INO80: variants seen among roughly 807,000 people sequenced by gnomAD.
INO80 encodes the protein INO80 complex ATPase subunit, also known as chromatin-remodeling ATPase INO80.
Under a neutral mutation model 203.4 loss-of-function variants are expected in INO80, and 20 were observed. That is an observed-to-expected ratio of 0.10 (90% CI 0.07 to 0.14). The LOEUF (loss-of-function observed/expected upper bound fraction) is 0.14, where lower values mean the gene tolerates loss of function less well. Ranked by LOEUF, INO80 falls within the 10% of genes least tolerant of loss-of-function variation. The pLI is 1.00. For synonymous variants in INO80, 726 were observed against 685.2 expected (o/e 1.06, Z -0.93); for missense variants, 1,419 against 1,914.4 (o/e 0.74, Z 4.83).
rs369225478 is a variant in INO80 at position 40,992,137 on chromosome 15, G to A, written c.3571-4163C>T. On this transcript the variant is annotated intron_variant, in intron 29 of 35. Transcript: ENST00000648947. Reference sequence around the variant, plus strand: ...GTTGGACCAACACTTGGAGGGTGGAGCTTTTTCTCCCAAGAGAATAAGCGG... The same window carrying A: ...GTTGGACCAACACTTGGAGGGTGGAACTTTTTCTCCCAAGAGAATAAGCGG... Among the ~76,000 whole-genome samples the A allele has an allele frequency of 1.1e-4, 17 of 152,364 alleles. No individual in the cohort carries two copies. In the South Asian group the frequency reaches 1.7e-3, roughly 15 times the overall value.
chr15:41,096,259 T>C lies in INO80; in HGVS notation c.52A>G (p.Lys18Glu). 6.2e-7 allele frequency: 1 copy of C among 1,612,152 alleles called. No individual in the cohort carries two copies. The highest frequency in any genetic ancestry group is 8.5e-7 in the Non-Finnish European group (1 of 1,179,590). ...RDDGGCTELAKPLYLQYLERA... is the reference protein window; with the variant it reads ...RDDGGCTELAEPLYLQYLERA... ...TCCAAGTACTGAAGATAGAGGGGCT[T>C]TGCCAGCTCAGTGCAGCCTCCATCA... Residue 18 changes from lysine to glutamate, a missense_variant, in exon 2 of 36, where the codon AAG becomes GAG. Physicochemically the swap from Lys to Glu is moderately conservative, Grantham distance 56 (BLOSUM62 1). Coordinates refer to ENST00000648947, the MANE Select transcript of INO80 (RefSeq NM_017553.3).
At chr15:41,042,555 C>T (rs1473055341) in intron 24 of INO80, among the ~76,000 whole-genome samples, 1 of 152,076 alleles carries the variant, frequency 6.6e-6, no homozygotes, top group Non-Finnish European at 1.5e-5. Flanking sequence ...CTCACTGTAA[C>T]CTCAGCCTCC....
chr15:41,072,820 G>A lies in INO80; in HGVS notation c.1395+608C>T, dbSNP rs566871950. On this transcript the variant is annotated intron_variant, in intron 11 of 35. Transcript: ENST00000648947. ...TTTTGAGATGCAGTCTCAATCTGTC[G>A]CCCAGGCTGGAGTGCAGTGGCACAA... Among the ~76,000 whole-genome samples the A allele has an allele frequency of 3.3e-5, 5 of 149,564 alleles. No homozygotes were observed. The East Asian group carries it at 5.9e-4, about 18-fold the overall frequency.
At position 41,055,267 on chromosome 15, in the gene INO80, T is replaced by C. The variant is rs1315097299; in HGVS notation, c.2168A>G (p.Asn723Ser). The change falls in exon 18 of 36, where the codon AAC becomes AGC. Residue 723 changes from asparagine (N) to serine (S), a missense_variant. This residue lies in a region of INO80 where 192 missense variants were observed against 406.7 expected (regional missense o/e 0.47). Coordinates refer to ENST00000648947, the MANE Select transcript of INO80 (RefSeq NM_017553.3). ...CTCACTCTCATCAATAGCAGATTTG[T>C]TTTCGGCATGGCTCTCAATGTCCTT... ...FSKDIESHAE[N>S]KSAIDENQLS... 6.2e-7 allele frequency: 1 copy of C among 1,611,072 alleles called. No homozygotes were observed. Among genetic ancestry groups the C allele is most frequent in the East Asian group, 2.2e-5 (1 of 44,814 alleles).
chr15:41,090,313 C>CG (rs1201077217), intron 5 of INO80, among the ~76,000 whole-genome samples: 1 of 152,176 alleles, frequency 6.6e-6, no homozygotes, highest in Non-Finnish European at 1.5e-5. Flanking sequence ...TGGTGGCTCA[C>CG]GCCTGTAATC....
rs557135828 is a variant in INO80, at chr15:40,980,142, C to A, written c.*81G>T. The stretch of plus-strand genomic sequence containing the variant: ...CTGACTCAGGATGCAAGATGCTGCA[C>A]GGGGCAAGCCATCCAAAGACCACTG... On this transcript the variant is annotated 3_prime_UTR_variant, in exon 36 of 36. Transcript: ENST00000648947. 2.6e-6 allele frequency: 3 copies of A among 1,140,062 alleles called. No individual in the cohort carries two copies. Among genetic ancestry groups the A allele is most frequent in the Non-Finnish European group, 4.0e-6 (3 of 755,400 alleles). 70.6% of individuals were successfully genotyped at this position (1,140,062 alleles called of 1,614,324 possible).
At chr15:41,045,106 C>T in intron 23 of INO80, 31 bp from the exon 24 acceptor site, 1 of 1,564,902 alleles carries the variant, frequency 6.4e-7, no homozygotes, top group Non-Finnish European at 8.6e-7. Flanking sequence ...CACGCTTATT[C>T]AGTGCTCCAT....
At position 41,073,504 on chromosome 15, in the gene INO80, C is replaced by T. The variant is rs767610450; in HGVS notation, c.1328-9G>A. The T allele has an allele frequency of 4.4e-6, 7 of 1,608,938 alleles. No homozygotes were observed. The African/African-American group carries it at 9.4e-5, about 22-fold the overall frequency. ...TTTAAAATGGTTACTATCTGAAAAG[C>T]AAAATTTATGGATTATCACACTTTA... On this transcript the variant is annotated splice_polypyrimidine_tract_variant and intron_variant, in intron 10 of 35. Transcript: ENST00000648947.
At chr15:41,006,565 T>C (rs2044043013) in intron 27 of INO80, among the ~76,000 whole-genome samples, 1 of 152,258 alleles carries the variant, frequency 6.6e-6, no homozygotes, top group South Asian at 2.1e-4. Context: ...TCAAATGTTC[T>C]TATACTGCAA....
At chr15:41,066,689 G>A (rs2045223100) in intron 14 of INO80, among the ~76,000 whole-genome samples, 1 of 151,878 alleles carries the variant, frequency 6.6e-6, no homozygotes, top group Non-Finnish European at 1.5e-5. Flanking sequence ...AATTAGCAGG[G>A]TGTGGCGCTG....
intron 28 of INO80, among the ~76,000 whole-genome samples, chr15:40,999,922 A>G (rs892342916): frequency 2.0e-5 from 3 of 152,166 alleles, no homozygotes; most frequent in Non-Finnish European, 4.4e-5. Context: ...AAGACCCTGC[A>G]TCTACATAAA....
chr15:41,098,926 C>T (rs980444088), intron 1 of INO80, among the ~76,000 whole-genome samples: 2 of 151,682 alleles, frequency 1.3e-5, no homozygotes, highest in Non-Finnish European at 2.9e-5. Flanking sequence ...ATTAAAGCAC[C>T]ATACTACTTC....
chr15:41,047,577 G>C (rs1401250888), intron 22 of INO80, 76 bp from the exon 23 acceptor site: 6 of 1,017,560 alleles, frequency 5.9e-6, no homozygotes, highest in African/African-American at 4.9e-5. Flanking sequence ...CTCAACTGCT[G>C]AGTTTTGACT....
chr15:40,997,532 G>A lies in INO80; in HGVS notation c.3567C>T (p.Asp1189=), dbSNP rs1159347846. 8 of 1,600,092 alleles carry A rather than the reference G, an allele frequency of 5.0e-6. No homozygotes were observed. The highest frequency in any genetic ancestry group is 1.1e-5 in the South Asian group (1 of 90,800). Reference sequence around the variant, plus strand: ...TGATTGTGCTCTCATTACTTACTGTGTCTGCAGCAGTGAGATTGATACCCA... The same window carrying A: ...TGATTGTGCTCTCATTACTTACTGTATCTGCAGCAGTGAGATTGATACCCA... ...GGLGINLTAA[D]TVIFYDSDWN... is the part of the protein sequence containing the mutation. The change falls in exon 29 of 36, where the codon GAC becomes GAT. Residue 1189 remains aspartate (D), a synonymous_variant. Coordinates refer to ENST00000648947, the MANE Select transcript of INO80 (RefSeq NM_017553.3).
intron 8 of INO80, 25 bp from the exon 9 acceptor site, chr15:41,079,929 C>G (rs772608575): frequency 6.2e-7 from 1 of 1,604,244 alleles, no homozygotes; most frequent in South Asian, 1.1e-5. Context: ...AGCATTACAG[C>G]GGAAAGGACC....
chr15:41,085,099 G>C (rs2045540478), intron 7 of INO80, among the ~76,000 whole-genome samples: 1 of 152,094 alleles, frequency 6.6e-6, no homozygotes, highest in South Asian at 2.1e-4. Flanking sequence ...GCTATATTTA[G>C]GAAAACTGCA....
chr15:41,083,781 T>A (rs914844180), intron 7 of INO80, among the ~76,000 whole-genome samples: 15 of 151,886 alleles, frequency 9.9e-5, no homozygotes, highest in African/African-American at 3.6e-4. Flanking sequence ...CATACTAACC[T>A]ATATGAAGTA....
At chr15:41,048,689 G>GA (rs1290848352) in intron 21 of INO80, among the ~76,000 whole-genome samples, 1 of 152,164 alleles carries the variant, frequency 6.6e-6, no homozygotes, top group African/African-American at 2.4e-5. Flanking sequence ...TATTGGTGAT[G>GA]AGTTTCTCTA....
Position 40,982,893 on chromosome 15 carries a change from G to C in INO80, c.4422C>G (p.Ala1474=). The C allele has an allele frequency of 1.2e-6, 2 of 1,613,692 alleles. No individual in the cohort carries two copies. Among genetic ancestry groups the C allele is most frequent in the South Asian group, 2.2e-5 (2 of 91,064 alleles). Residue 1474 remains alanine, a synonymous_variant, in exon 35 of 36, where the codon GCC becomes GCG. Coordinates refer to ENST00000648947, the MANE Select transcript of INO80 (RefSeq NM_017553.3). ...KAGAAAASAA[A]YAAYGYNVSK... is the part of the protein sequence containing the mutation. The stretch of plus-strand genomic sequence containing the variant: ...ACACGTTGTACCCGTATGCGGCATA[G>C]GCAGCTGCAGAGGCCGCTGCAGCCC...
Sources: allele counts gnomAD v4.1 joint callset (sites outside exome capture counted in the v4.1 genomes callset), GRCh38; gene constraint gnomAD v4.1.1; regional missense constraint gnomAD v4.1.1; transcripts MANE v1.5; gene names NCBI Gene and HGNC (gene_info 2026-07-23, HGNC 2026-07-21).